PSMC6: variants seen among roughly 807,000 people sequenced by gnomAD.
PSMC6 encodes proteasome 26S subunit, ATPase 6, also known as 26S proteasome regulatory subunit 10B.
In PSMC6, 3 loss-of-function variants were observed where a neutral mutation model predicts 55.9. That is an observed-to-expected ratio of 0.05 (90% confidence interval 0.02 to 0.14). The LOEUF (loss-of-function observed/expected upper bound fraction) is 0.14, where lower values mean the gene tolerates loss of function less well. Ranked by LOEUF, PSMC6 falls within the 10% of genes least tolerant of loss-of-function variation. The pLI is 1.00. For missense variants in PSMC6, 210 were observed against 478.7 expected (o/e 0.44, Z 5.24); for synonymous variants, 137 against 155.9 (o/e 0.88, Z 0.90).
At chr14:52,719,387 T>C (rs2041864814) in intron 10 of PSMC6, among the ~76,000 whole-genome samples, 1 of 152,248 alleles carries the variant, frequency 6.6e-6, no homozygotes, top group South Asian at 2.1e-4. Flanking sequence ...AAATGAGCTA[T>C]AATTATGTAT....
At position 52,727,606 on chromosome 14, in the gene PSMC6, A is replaced by G. The variant is rs1880474143; in HGVS notation, c.1159A>G (p.Lys387Glu). 1 of 1,607,476 alleles carries G rather than the reference A, an allele frequency of 6.2e-7. No homozygotes were observed. Among genetic ancestry groups the G allele is most frequent in the Admixed American group, 1.7e-5 (1 of 59,918 alleles). ...GAAGCTGGAGTCTAAATTGGACTACAAACCTGTGTAATTTACTGTAAGATT... is the reference window on the plus strand; with the variant it reads ...GAAGCTGGAGTCTAAATTGGACTACGAACCTGTGTAATTTACTGTAAGATT... The part of the protein sequence containing the change: ...SKKLESKLDY[K>E]PV The change falls in exon 14 of 14, where the codon AAA (lysine) becomes GAA (glutamate). Residue 387 changes from lysine (K) to glutamate (E), a missense_variant. Coordinates refer to ENST00000445930, the MANE Select transcript of PSMC6 (RefSeq NM_002806.5).
chr14:52,713,833 T>G, intron 6 of PSMC6, 48 bp from the exon 7 acceptor site: 1 of 1,259,122 alleles, frequency 7.9e-7, no homozygotes, highest in South Asian at 1.3e-5. Context: ...TGAAAGTACA[T>G]TAAAAATCTT....
chr14:52,711,017 TTTGGCTTC>T, intron 4 of PSMC6, 76 bp from the exon 5 acceptor site: 1 of 284,532 alleles, frequency 3.5e-6, no homozygotes, highest in Non-Finnish European at 6.0e-6. Context: ...AAAATGAGTG[TTTGGCTTC>T]TAAATATTAA....
At chr14:52,712,668 G>C (rs1176055078) in intron 6 of PSMC6, among the ~76,000 whole-genome samples, 1 of 151,852 alleles carries the variant, frequency 6.6e-6, no homozygotes, top group East Asian at 1.9e-4. Flanking sequence ...TTTTGCCCAG[G>C]CTGGAATGCA....
At chr14:52,711,323 C>G (rs2041769783) in intron 5 of PSMC6, 87 bp from the exon 6 acceptor site, 4 of 1,318,446 alleles carry the variant, frequency 3.0e-6, no homozygotes, top group Non-Finnish European at 4.3e-6. Flanking sequence ...GCTACAGGTG[C>G]TTGCTTGAGC....
Position 52,717,428 on chromosome 14 carries a change from C to T in PSMC6, c.530-653C>T, listed in dbSNP as rs571204632. Among the ~76,000 whole-genome samples, 6 of 150,834 alleles carry T rather than the reference C, an allele frequency of 4.0e-5. No individual in the cohort carries two copies. The South Asian group carries it at 6.3e-4, about 16-fold the overall frequency. On this transcript the variant is annotated intron_variant, in intron 7 of 13. Coordinates refer to ENST00000445930, the MANE Select transcript of PSMC6 (RefSeq NM_002806.5). The stretch of plus-strand genomic sequence containing the variant: ...TAAGCTCACTGCAACCCCCACCTCC[C>T]GGATTCAAGCGATTCTCCTGCCTCA...
At chr14:52,715,474 C>T (rs1361052078) in intron 7 of PSMC6, among the ~76,000 whole-genome samples, 3 of 152,210 alleles carry the variant, frequency 2.0e-5, no homozygotes, top group East Asian at 1.9e-4. Flanking sequence ...TTTTCCAAAG[C>T]GAACAAATTA....
intron 4 of PSMC6, chr14:52,709,032 G>A (rs1328178669): frequency 2.1e-6 from 1 of 472,122 alleles, no homozygotes; most frequent in East Asian, 4.2e-5. Flanking sequence ...CATTGTCTCA[G>A]TCAGATCTGT....
intron 6 of PSMC6, among the ~76,000 whole-genome samples, chr14:52,712,045 T>C (rs1205617691): frequency 6.6e-6 from 1 of 152,210 alleles, no homozygotes; most frequent in Non-Finnish European, 1.5e-5. Context: ...CAGGATTGCC[T>C]TACTTCATAG....
At chr14:52,709,349 G>A (rs914250132) in intron 4 of PSMC6, among the ~76,000 whole-genome samples, 2 of 152,162 alleles carry the variant, frequency 1.3e-5, no homozygotes, top group African/African-American at 4.8e-5. Context: ...TCTTTAGGAA[G>A]TGTCCTTAGA....
chr14:52,709,216 G>A lies in PSMC6; in HGVS notation c.258+400G>A, dbSNP rs2041738265. Reference sequence around the variant, plus strand: ...ACCATGGCCTAAGTTAATTTTGTATGAGGTCATTTAGATTAGGGTAGGGCA... The same window carrying A: ...ACCATGGCCTAAGTTAATTTTGTATAAGGTCATTTAGATTAGGGTAGGGCA... On this transcript the variant is annotated intron_variant, in intron 4 of 13. Coordinates refer to ENST00000445930, the MANE Select transcript of PSMC6 (RefSeq NM_002806.5). The A allele has an allele frequency of 3.2e-5, 6 of 189,858 alleles. No individual in the cohort carries two copies. In the South Asian group the frequency reaches 4.5e-4, roughly 14 times the overall value. 11.8% of individuals were successfully genotyped at this position (189,858 alleles called of 1,614,324 possible).
Position 52,715,496 on chromosome 14 carries a change from T to G in PSMC6, c.529+1528T>G, listed in dbSNP as rs1048835852. On this transcript the variant is annotated intron_variant, in intron 7 of 13. Transcript: ENST00000445930. Reference sequence around the variant, plus strand: ...AAGCGAACAAATTAAGCCTGTCATGTTAAACAACTGACACCATCTATTGCC... The same window carrying G: ...AAGCGAACAAATTAAGCCTGTCATGGTAAACAACTGACACCATCTATTGCC... 6.6e-5 allele frequency among the ~76,000 whole-genome samples: 10 copies of G among 152,380 alleles called. No homozygotes were observed. In the East Asian group the frequency reaches 1.5e-3, roughly 23 times the overall value.
intron 13 of PSMC6, among the ~76,000 whole-genome samples, chr14:52,727,195 T>G (rs1200495873): frequency 1.3e-5 from 2 of 151,156 alleles, no homozygotes; most frequent in Admixed American, 1.3e-4. Flanking sequence ...TAATTTTTTT[T>G]TTTTTTTGTA....
Position 52,727,795 on chromosome 14 carries a change from TGTTA to T in PSMC6, c.*179_*182del, listed in dbSNP as rs1478833206. 2.1e-6 allele frequency: 1 copy of T among 465,322 alleles called. No homozygotes were observed. The highest frequency in any genetic ancestry group is 3.8e-6 in the Non-Finnish European group (1 of 260,396). The allele number at this position is 465,322 out of a possible 1,614,324, so 28.8% of individuals were successfully genotyped here. ...AAGATACAGAAGAAATTTGTATGTT[TGTTA>T]AAGTTGCATTTATTGCAGCAAGTTA... On this transcript the variant is annotated 3_prime_UTR_variant, in exon 14 of 14. Coordinates refer to ENST00000445930, the MANE Select transcript of PSMC6 (RefSeq NM_002806.5).
chr14:52,722,521 A>G (rs934644043), intron 12 of PSMC6: 1 of 152,134 alleles, frequency 6.6e-6, no homozygotes, highest in Non-Finnish European at 1.5e-5. Context: ...GATGCTTATG[A>G]TGACAGGTTC....
rs1419127392 is a variant in PSMC6 at position 52,711,979 on chromosome 14, AC to A, written c.441+457del. On this transcript the variant is annotated intron_variant, in intron 6 of 13. Transcript: ENST00000445930. ...AAGCTGTTTGCTGCCATTCCAGAAAACCACTGGCTTTAGGATTGTCTTAAAT... is the reference window on the plus strand; with the variant it reads ...AAGCTGTTTGCTGCCATTCCAGAAAACACTGGCTTTAGGATTGTCTTAAAT... 1.1e-4 allele frequency among the ~76,000 whole-genome samples: 16 copies of A among 152,246 alleles called. No individual in the cohort carries two copies. In the Middle Eastern group the frequency reaches 0.02, roughly 194 times the overall value.
At chr14:52,717,171 G>A (rs1240758817) in intron 7 of PSMC6, among the ~76,000 whole-genome samples, 2 of 152,070 alleles carry the variant, frequency 1.3e-5, no homozygotes, top group African/African-American at 4.8e-5. Context: ...CATGTGAGGT[G>A]ATGGATATGT....
At chr14:52,717,314 GC>G (rs1269616622) in intron 7 of PSMC6, among the ~76,000 whole-genome samples, 1 of 149,576 alleles carries the variant, frequency 6.7e-6, no homozygotes, top group African/African-American at 2.5e-5. Context: ...AATGTTGACA[GC>G]AGAAGTACTT....
intron 6 of PSMC6, among the ~76,000 whole-genome samples, chr14:52,712,384 T>TTAAAAAA (rs1555356225): frequency 7.2e-6 from 1 of 139,440 alleles, no homozygotes; most frequent in Non-Finnish European, 1.5e-5. Flanking sequence ...GGTCTAAGTG[T>TTAAAAAA]AAAAAAAAAA....
Sources: gnomAD v4.1 joint callset for allele counts (sites outside exome capture counted in the v4.1 genomes callset) on GRCh38, gnomAD v4.1.1 for gene constraint, MANE v1.5 for transcripts, NCBI Gene and HGNC (gene_info 2026-07-23, HGNC 2026-07-21) for gene names.